UNC13C: variants seen among roughly 807,000 people sequenced by gnomAD.
UNC13C encodes the protein protein unc-13 homolog C.
UNC13C carries 174 observed loss-of-function variants against 245.4 expected under a neutral mutation model. The ratio of observed to expected loss-of-function variants is 0.71; its 90% CI spans 0.63 to 0.80. UNC13C has a LOEUF of 0.80. Among genes scored for constraint, UNC13C ranks in the 30% least tolerant of loss-of-function variants. The probability of loss-of-function intolerance (pLI) is 0.00; values close to 1 mark genes in which losing one functional copy is unlikely to be tolerated. For missense variants in UNC13C, 2,829 were observed against 2,602.9 expected (o/e 1.09, Z -1.89); for synonymous variants, 992 against 895.1 (o/e 1.11, Z -1.93).
At chr15:54,154,041 G>C (rs921407144) in intron 4 of UNC13C, among the ~76,000 whole-genome samples, 1 of 151,852 alleles carries the variant, frequency 6.6e-6, no homozygotes, top group Non-Finnish European at 1.5e-5. Flanking sequence ...TTTATGCCTG[G>C]AATATTCAAA....
chr15:53,953,407 A>C, the UNC13C span, among the ~76,000 whole-genome samples: 513 of 152,278 alleles, frequency 3.4e-3, 28 homozygotes, highest in East Asian at 0.087. Context: ...GCACATTAGC[A>C]ATGAGTCTCC....
chr15:54,038,124 A>ATATTTTTT, intron 2 of UNC13C, among the ~76,000 whole-genome samples: 19 of 45,032 alleles, frequency 4.2e-4, no homozygotes, highest in African/African-American at 5.3e-4. Context: ...ATATATATAT[A>ATATTTTTT]TTTTTTTTTT....
intron 29 of UNC13C, among the ~76,000 whole-genome samples, chr15:54,567,427 C>A (rs1268744553): frequency 6.6e-6 from 1 of 152,058 alleles, no homozygotes; most frequent in Non-Finnish European, 1.5e-5. Context: ...ATTTTGACAA[C>A]CCTTGGTATT....
intron 20 of UNC13C, among the ~76,000 whole-genome samples, chr15:54,495,462 A>C (rs1006736952): frequency 6.6e-6 from 1 of 152,020 alleles, no homozygotes; most frequent in Middle Eastern, 3.2e-3. Flanking sequence ...AATTACCTCT[A>C]TTTGGGGAAC....
chr15:54,366,905 C>G (rs561126489), intron 17 of UNC13C, among the ~76,000 whole-genome samples: 7 of 152,100 alleles, frequency 4.6e-5, no homozygotes, highest in Non-Finnish European at 1.0e-4. Context: ...TGTTACAGCA[C>G]AGCAGGATAC....
At chr15:53,980,145 A>T (rs1230099069) in intron 1 of UNC13C, among the ~76,000 whole-genome samples, 1 of 152,174 alleles carries the variant, frequency 6.6e-6, no homozygotes. Flanking sequence ...TCATTTATGC[A>T]TACTGTAAAG....
chr15:53,999,371 A>G (rs1018146980), intron 1 of UNC13C, among the ~76,000 whole-genome samples: 3 of 151,886 alleles, frequency 2.0e-5, no homozygotes, highest in African/African-American at 7.2e-5. Context: ...GTGGTTTTGA[A>G]GGAATTGATA....
intron 4 of UNC13C, among the ~76,000 whole-genome samples, chr15:54,178,893 T>C (rs187677470): frequency 1.4e-4 from 22 of 152,152 alleles, no homozygotes; most frequent in African/African-American, 4.6e-4. Context: ...CTCAAACACA[T>C]AGTTTATCAT....
chr15:54,021,954 A>ATATAGCT (rs140419336), intron 2 of UNC13C, among the ~76,000 whole-genome samples: 173 of 152,304 alleles, frequency 1.1e-3, no homozygotes, highest in African/African-American at 4.1e-3. Flanking sequence ...AGGCTATACC[A>ATATAGCT]TATAGCTTAG....
chr15:54,111,167 C>T (rs555147275), intron 2 of UNC13C, among the ~76,000 whole-genome samples: 1 of 152,284 alleles, frequency 6.6e-6, no homozygotes, highest in Admixed American at 6.5e-5. Context: ...GAAACATCCT[C>T]CTGTTTATGT....
chr15:53,979,142 G>A (rs1025773675), intron 1 of UNC13C, among the ~76,000 whole-genome samples: 1 of 148,980 alleles, frequency 6.7e-6, no homozygotes, highest in Non-Finnish European at 1.5e-5. Flanking sequence ...TTTAAAAAAA[G>A]AATTCAGAAT....
At chr15:54,272,219 C>T (rs969190588) in intron 10 of UNC13C, among the ~76,000 whole-genome samples, 2 of 152,142 alleles carry the variant, frequency 1.3e-5, no homozygotes, top group African/African-American at 2.4e-5. Flanking sequence ...ATGGCAGCCA[C>T]GTTCAATTCC....
At chr15:54,277,532 G>A (rs1179913044) in intron 10 of UNC13C, among the ~76,000 whole-genome samples, 1 of 152,078 alleles carries the variant, frequency 6.6e-6, no homozygotes, top group South Asian at 2.1e-4. Context: ...GCGCCCTCTG[G>A]CATTCATAGG....
chr15:54,065,284 G>C (rs1316997907), intron 2 of UNC13C, among the ~76,000 whole-genome samples: 1 of 152,154 alleles, frequency 6.6e-6, no homozygotes, highest in Non-Finnish European at 1.5e-5. Flanking sequence ...TGTTTCCTTT[G>C]AGTTGCCAAC....
chr15:54,600,969 A>G lies in UNC13C; in HGVS notation c.6107-21358A>G, dbSNP rs535634043. On this transcript the variant is annotated intron_variant, in intron 30 of 32. Coordinates refer to ENST00000260323, the MANE Select transcript of UNC13C (RefSeq NM_001080534.3). ...TAGGTCACACATGAAATACACTAAC[A>G]CTAATGATAGCTGATGAGCCAAAAA... Among the ~76,000 whole-genome samples, 79 of 151,182 alleles carry G rather than the reference A, an allele frequency of 5.2e-4. 1 individual carries two copies. Among genetic ancestry groups the G allele is most frequent in the Non-Finnish European group, 9.2e-4 (62 of 67,256 alleles).
At chr15:54,199,917 T>TACTA (rs1227953373) in intron 4 of UNC13C, among the ~76,000 whole-genome samples, 8 of 152,132 alleles carry the variant, frequency 5.3e-5, no homozygotes, top group African/African-American at 1.9e-4. Context: ...GATGAAAATT[T>TACTA]ACTAAGTTTT....
chr15:54,576,966 T>C (rs1374385550), intron 30 of UNC13C, among the ~76,000 whole-genome samples: 1 of 152,218 alleles, frequency 6.6e-6, no homozygotes, highest in Non-Finnish European at 1.5e-5. Flanking sequence ...TTGTGTAATA[T>C]AACATAGTTC....
At chr15:54,047,958 T>C (rs968555873) in intron 2 of UNC13C, among the ~76,000 whole-genome samples, 3 of 152,198 alleles carry the variant, frequency 2.0e-5, no homozygotes, top group African/African-American at 7.2e-5. Flanking sequence ...AAGTATACCG[T>C]AATATTTTGC....
chr15:54,178,181 G>T (rs1045743816), intron 4 of UNC13C, among the ~76,000 whole-genome samples: 3 of 151,950 alleles, frequency 2.0e-5, no homozygotes, highest in African/African-American at 7.3e-5. Flanking sequence ...TGTATTTAGG[G>T]TCTCATTGGC....
Sources: allele counts gnomAD v4.1 joint callset (sites outside exome capture counted in the v4.1 genomes callset), GRCh38; gene constraint gnomAD v4.1.1; transcripts MANE v1.5; gene names NCBI Gene and HGNC (gene_info 2026-07-23, HGNC 2026-07-21).